The following USP12 variants were observed in gnomAD, a reference collection of about 807,000 sequenced individuals.
The protein encoded by USP12 is ubiquitin carboxyl-terminal hydrolase 12.
Under a neutral mutation model 45.5 loss-of-function variants are expected in USP12, and 19 were observed. The ratio of observed to expected loss-of-function variants is 0.42; its 90% CI spans 0.29 to 0.61. USP12 has a LOEUF of 0.61. Ranked by LOEUF, USP12 falls within the 20% of genes least tolerant of loss-of-function variation. USP12 has a pLI of 0.22. For synonymous variants in USP12, 149 were observed against 148.8 expected (o/e 1.00, Z -0.01); for missense variants, 242 against 447.7 (o/e 0.54, Z 4.15).
rs566415276 is a variant in USP12, at chr13:27,129,321, A to C, written c.49-12725T>G. 6.6e-6 allele frequency among the ~76,000 whole-genome samples: 1 copy of C among 152,348 alleles called. No homozygotes were observed. Among genetic ancestry groups the C allele is most frequent in the African/African-American group, 2.4e-5 (1 of 41,578 alleles). On this transcript the variant is annotated intron_variant, in intron 1 of 8. Coordinates refer to ENST00000282344, the MANE Select transcript of USP12 (RefSeq NM_182488.4). This position sits in a 1 kb window ranked among gnomAD's most constrained non-coding sequence, Gnocchi z 4.0. ...ATGTGGTTCTCTCTTACCATTTTCCAGCTATAAAACTGTGGAAGAACTGAA... is the reference window on the plus strand; with the variant it reads ...ATGTGGTTCTCTCTTACCATTTTCCCGCTATAAAACTGTGGAAGAACTGAA...
intron 2 of USP12, among the ~76,000 whole-genome samples, chr13:27,106,652 G>A (rs1362346083): frequency 6.6e-6 from 1 of 152,094 alleles, no homozygotes; most frequent in Non-Finnish European, 1.5e-5. Flanking sequence ...AGGCTAGGCA[G>A]AGAAAAATGT....
chr13:27,094,345 T>C (rs1874464105), intron 4 of USP12, among the ~76,000 whole-genome samples: 1 of 151,320 alleles, frequency 6.6e-6, no homozygotes, highest in South Asian at 2.1e-4. Context: ...CTCAAAAAAG[T>C]TTAAAAACTA....
At chr13:27,116,725 G>A (rs114781827) in intron 1 of USP12, 129 bp from the exon 2 acceptor site, 114 of 686,518 alleles carry the variant, frequency 1.7e-4, no homozygotes, top group African/African-American at 1.6e-3. Flanking sequence ...ACACAGGTGC[G>A]TCTTTATCCT....
rs549966695 is a variant in USP12 at position 27,147,476 on chromosome 13, A to T, written c.48+24116T>A. 7.0e-3 allele frequency among the ~76,000 whole-genome samples: 1,070 copies of T among 152,318 alleles called. 7 individuals carry two copies. Among genetic ancestry groups the T allele is most frequent in the Middle Eastern group, 0.014 (4 of 294 alleles). ...ATTATAACTGAGGTGTCCAATTTTT[A>T]AAAAAATACTTAACTGAAACATATA... On this transcript the variant is annotated intron_variant, in intron 1 of 8. Transcript: ENST00000282344.
At chr13:27,084,654 TC>T (rs1335539669) in intron 6 of USP12, among the ~76,000 whole-genome samples, 1 of 152,228 alleles carries the variant, frequency 6.6e-6, no homozygotes, top group Non-Finnish European at 1.5e-5. Context: ...ATTATCCTTT[TC>T]CCACTATGTA....
intron 1 of USP12, among the ~76,000 whole-genome samples, chr13:27,120,762 G>T (rs910578145): frequency 6.6e-6 from 1 of 152,112 alleles, no homozygotes; most frequent in African/African-American, 2.4e-5. Context: ...TTAGGCAAAA[G>T]ATTAGACTTA....
chr13:27,147,072 T>C (rs1877339676), intron 1 of USP12, among the ~76,000 whole-genome samples: 1 of 152,216 alleles, frequency 6.6e-6, no homozygotes. Flanking sequence ...GGTGAGATGC[T>C]GATTTTGGAC....
At chr13:27,159,887 C>G (rs1428238722) in intron 1 of USP12, among the ~76,000 whole-genome samples, 1 of 152,104 alleles carries the variant, frequency 6.6e-6, no homozygotes, top group African/African-American at 2.4e-5. Context: ...TAACTACAAC[C>G]CAGTTTCAGA....
intron 6 of USP12, among the ~76,000 whole-genome samples, chr13:27,088,371 C>A (rs769193729): frequency 6.9e-6 from 1 of 145,492 alleles, no homozygotes; most frequent in Non-Finnish European, 1.5e-5. Flanking sequence ...GAGCCGAGAT[C>A]GCACCACTGC....
chr13:27,150,083 G>A (rs1877501376), intron 1 of USP12, among the ~76,000 whole-genome samples: 1 of 152,172 alleles, frequency 6.6e-6, no homozygotes, highest in Non-Finnish European at 1.5e-5. Context: ...ATAGATAGAG[G>A]AGCAGATTTT....
intron 1 of USP12, among the ~76,000 whole-genome samples, chr13:27,158,075 A>G (rs1295741457): frequency 2.0e-5 from 3 of 152,204 alleles, no homozygotes; most frequent in African/African-American, 7.2e-5. Context: ...TTAAGCCCCA[A>G]TATCTCAGAA....
intron 6 of USP12, among the ~76,000 whole-genome samples, chr13:27,075,799 G>A (rs562945470): frequency 6.6e-6 from 1 of 152,238 alleles, no homozygotes; most frequent in Admixed American, 6.5e-5. Flanking sequence ...GGAGGCCGAG[G>A]CAGGTGGATC....
chr13:27,164,343 G>A (rs777509893), intron 1 of USP12, among the ~76,000 whole-genome samples: 22 of 152,268 alleles, frequency 1.4e-4, no homozygotes, highest in East Asian at 3.9e-4. Context: ...TTATTGGTAC[G>A]TAGCTTTGGA....
chr13:27,163,636 G>A (rs1169923250), intron 1 of USP12, among the ~76,000 whole-genome samples: 1 of 151,918 alleles, frequency 6.6e-6, no homozygotes, highest in Admixed American at 6.6e-5. Context: ...AATAGTATAT[G>A]TAAAGCCCAC....
chr13:27,110,133 A>T (rs1417944853), intron 2 of USP12, among the ~76,000 whole-genome samples: 1 of 151,056 alleles, frequency 6.6e-6, no homozygotes, highest in Non-Finnish European at 1.5e-5. Context: ...CAGGTAAAAA[A>T]AAAAAAAAAA....
intron 1 of USP12, among the ~76,000 whole-genome samples, chr13:27,150,607 T>C (rs113938757): frequency 1.1e-4 from 16 of 152,266 alleles, no homozygotes; most frequent in African/African-American, 3.4e-4. Context: ...CATATGGAGG[T>C]CGGACCCAGT....
At chr13:27,166,232 G>C (rs1878339794) in intron 1 of USP12, among the ~76,000 whole-genome samples, 1 of 152,060 alleles carries the variant, frequency 6.6e-6, no homozygotes, top group African/African-American at 2.4e-5. Context: ...ACCATATTAA[G>C]TTTCTGGAAT....
intron 2 of USP12, among the ~76,000 whole-genome samples, chr13:27,106,446 T>C (rs1025329833): frequency 2.0e-5 from 3 of 152,244 alleles, no homozygotes; most frequent in Admixed American, 6.5e-5. Flanking sequence ...ATAAAGTAAA[T>C]GACACACAGT....
intron 1 of USP12, among the ~76,000 whole-genome samples, chr13:27,152,545 G>A (rs1300480254): frequency 6.6e-6 from 1 of 152,174 alleles, no homozygotes; most frequent in Non-Finnish European, 1.5e-5. Flanking sequence ...GATTAAAACT[G>A]ACTGTGGTGA....
Sources: gnomAD v4.1 joint callset for allele counts (sites outside exome capture counted in the v4.1 genomes callset) on GRCh38, gnomAD v4.1.1 for gene constraint, Gnocchi (gnomAD v3.1) non-coding constraint, MANE v1.5 for transcripts, NCBI Gene and HGNC (gene_info 2026-07-23, HGNC 2026-07-21) for gene names.